The following DMD variants were observed in gnomAD, a reference collection of about 807,000 sequenced individuals.
The protein encoded by DMD is dystrophin, also known as mutant dystrophin.
A neutral mutation model predicts 330.1 loss-of-function variants in DMD; 63 were observed. The ratio of observed to expected loss-of-function variants is 0.19; its 90% CI spans 0.16 to 0.24. The LOEUF is 0.24. Among genes scored for constraint, DMD ranks in the 10% least tolerant of loss-of-function variants. The pLI is 1.00. For synonymous variants in DMD, 1,223 were observed against 959.8 expected (o/e 1.27, Z -5.07); for missense variants, 3,344 against 2,684.1 (o/e 1.25, Z -5.43).
chrX:32,621,934 G>T (rs1275786136), intron 11 of DMD, among the ~76,000 whole-genome samples: 1 of 111,449 alleles, frequency 9.0e-6, no homozygotes, highest in Non-Finnish European at 1.9e-5. Flanking sequence ...ACTCTGGGAT[G>T]AGGTCTAGAA....
intron 67 of DMD, among the ~76,000 whole-genome samples, chrX:31,196,240 C>T (rs1352299208): frequency 9.0e-6 from 1 of 111,557 alleles, no homozygotes; most frequent in Admixed American, 9.5e-5. Context: ...AGTAAGAGGT[C>T]GGTGATATCT....
intron 6 of DMD, 51 bp from the exon 7 acceptor site, chrX:32,809,662 T>G: frequency 2.9e-6 from 3 of 1,046,307 alleles, no homozygotes; most frequent in Non-Finnish European, 4.0e-6. Flanking sequence ...TAAATCAATC[T>G]AGAATGTTCC....
chrX:33,168,379 T>C (rs1312356805), intron 1 of DMD, among the ~76,000 whole-genome samples: 1 of 110,448 alleles, frequency 9.1e-6, no homozygotes, highest in Non-Finnish European at 1.9e-5. Flanking sequence ...ACTGGGATTG[T>C]AGTGGGCTCA....
chrX:33,095,306 A>T (rs2095142689), intron 1 of DMD, among the ~76,000 whole-genome samples: 1 of 112,793 alleles, frequency 8.9e-6, no homozygotes, highest in South Asian at 3.6e-4. Flanking sequence ...CACGGGTGGT[A>T]TAAGTACACA....
At chrX:32,150,106 C>T (rs1326726241) in intron 44 of DMD, among the ~76,000 whole-genome samples, 1 of 112,163 alleles carries the variant, frequency 8.9e-6, no homozygotes, top group East Asian at 2.8e-4. Flanking sequence ...GATTAGGGAG[C>T]TAGTTGTTGG....
intron 7 of DMD, among the ~76,000 whole-genome samples, chrX:32,809,233 C>T: frequency 9.0e-6 from 1 of 111,595 alleles, no homozygotes; most frequent in African/African-American, 3.3e-5. Context: ...GCAGTATGCT[C>T]CATCCATAGG....
chrX:32,765,549 T>C (rs1459760380), intron 7 of DMD, among the ~76,000 whole-genome samples: 1 of 111,689 alleles, frequency 9.0e-6, no homozygotes, highest in Non-Finnish European at 1.9e-5. Context: ...CAGATATTTC[T>C]TTAGAGCAAT....
At chrX:31,792,480 A>AAAGCTG (rs1279074479) in intron 50 of DMD, among the ~76,000 whole-genome samples, 1 of 112,450 alleles carries the variant, frequency 8.9e-6, no homozygotes, top group Non-Finnish European at 1.9e-5. Flanking sequence ...CATGAATGAG[A>AAAGCTG]AAGCTGTTTT....
At chrX:31,870,600 T>C (rs1391497130) in intron 48 of DMD, among the ~76,000 whole-genome samples, 1 of 112,394 alleles carries the variant, frequency 8.9e-6, no homozygotes, top group African/African-American at 3.2e-5. Context: ...GAACACAGTC[T>C]TTCTTGTCTG....
intron 34 of DMD, among the ~76,000 whole-genome samples, chrX:32,373,284 A>G (rs1359976086): frequency 9.2e-6 from 1 of 109,225 alleles, no homozygotes; most frequent in Non-Finnish European, 1.9e-5. Context: ...TATCAAAAGG[A>G]TCCCAGAAAT....
At chrX:31,796,891 C>G (rs1008721314) in intron 50 of DMD, among the ~76,000 whole-genome samples, 1 of 110,855 alleles carries the variant, frequency 9.0e-6, no homozygotes, top group Non-Finnish European at 1.9e-5. Context: ...CTTGTTTATG[C>G]TCTCTAACCA....
intron 55 of DMD, among the ~76,000 whole-genome samples, chrX:31,520,933 C>T (rs1392582360): frequency 9.0e-6 from 1 of 111,197 alleles, no homozygotes; most frequent in Non-Finnish European, 1.9e-5. Flanking sequence ...CCCACCTCAG[C>T]CTCCCAAAGT....
chrX:32,259,932 A>G (rs1397441103), intron 43 of DMD, among the ~76,000 whole-genome samples: 1 of 111,663 alleles, frequency 9.0e-6, no homozygotes, highest in African/African-American at 3.3e-5. Context: ...GTTGGTCAAG[A>G]GAGCCTTAAT....
At chrX:31,846,719 A>G (rs2149534805) in intron 48 of DMD, among the ~76,000 whole-genome samples, 1 of 111,312 alleles carries the variant, frequency 9.0e-6, no homozygotes, top group East Asian at 2.8e-4. Context: ...CAGCCAAATG[A>G]CTAGCATCCT....
intron 44 of DMD, among the ~76,000 whole-genome samples, chrX:32,193,655 C>T (rs950203510): frequency 4.5e-5 from 5 of 110,828 alleles, no homozygotes; most frequent in African/African-American, 1.6e-4. Flanking sequence ...AGAGTGCCTA[C>T]TGCGTGGTGT....
intron 62 of DMD, among the ~76,000 whole-genome samples, chrX:31,319,737 T>C (rs2056290256): frequency 8.9e-6 from 1 of 112,599 alleles, no homozygotes; most frequent in African/African-American, 3.2e-5. Flanking sequence ...ACATCTATAC[T>C]GGAACATCCT....
intron 45 of DMD, among the ~76,000 whole-genome samples, chrX:31,939,195 C>T (rs1035706563): frequency 2.7e-5 from 3 of 111,598 alleles, no homozygotes; most frequent in Non-Finnish European, 5.7e-5. Flanking sequence ...CCATACCCTC[C>T]GTAGGTCATT....
At chrX:31,258,687 C>G (rs995559236) in intron 63 of DMD, among the ~76,000 whole-genome samples, 2 of 112,110 alleles carry the variant, frequency 1.8e-5, no homozygotes, top group African/African-American at 6.5e-5. Flanking sequence ...AGTGATGTCA[C>G]AAGCCCAATG....
intron 43 of DMD, among the ~76,000 whole-genome samples, chrX:32,223,228 G>A (rs1315282140): frequency 1.8e-5 from 2 of 111,801 alleles, no homozygotes; most frequent in African/African-American, 6.5e-5. Context: ...GGTGTCTGGT[G>A]AGGGCCTTCC....
Sources: gnomAD v4.1 joint callset for allele counts (sites outside exome capture counted in the v4.1 genomes callset) on GRCh38, gnomAD v4.1.1 for gene constraint, MANE v1.5 for transcripts, NCBI Gene and HGNC (gene_info 2026-07-23, HGNC 2026-07-21) for gene names.